Variants in CCDC150 observed in about 807,000 individuals in gnomAD.
CCDC150 encodes the protein coiled-coil domain-containing protein 150.
Under a neutral mutation model 156.5 loss-of-function variants are expected in CCDC150, and 151 were observed. The observed-to-expected ratio is 0.97, with a 90% CI of 0.85 to 1.10. CCDC150 has a LOEUF of 1.10. Among genes scored for constraint, CCDC150 ranks in the 50% least tolerant of loss-of-function variants. The pLI is 0.00. For missense variants in CCDC150, 1,312 were observed against 1,268.1 expected, an observed-to-expected ratio of 1.03 and a Z score of -0.53; for synonymous variants, 452 against 429.4, an observed-to-expected ratio of 1.05 and a Z score of -0.65.
chr2:196,675,390 T>C (rs1292127691), intron 10 of CCDC150, among the ~76,000 whole-genome samples: 1 of 152,146 alleles, frequency 6.6e-6, no homozygotes, highest in Non-Finnish European at 1.5e-5. Flanking sequence ...TTTCAAAATT[T>C]TGGAATATAA....
intron 1 of CCDC150, among the ~76,000 whole-genome samples, chr2:196,642,747 A>AT (rs1375354416): frequency 4.6e-4 from 69 of 150,410 alleles, no homozygotes; most frequent in African/African-American, 1.5e-3. Context: ...TTCATTTTTT[A>AT]TTTTTTTTTA....
At chr2:196,689,423 A>G (rs1299290368) in intron 13 of CCDC150, among the ~76,000 whole-genome samples, 5 of 150,294 alleles carry the variant, frequency 3.3e-5, no homozygotes, top group African/African-American at 1.2e-4. Flanking sequence ...TATTTCATTG[A>G]GCAGTGGTTT....
chr2:196,695,193 A>G, intron 14 of CCDC150, 34 bp downstream of exon 14: 3 of 1,112,146 alleles, frequency 2.7e-6, no homozygotes, highest in Non-Finnish European at 4.1e-6. Context: ...AATAGCAATT[A>G]ATGACTAATG....
At chr2:196,648,041 G>A (rs1692646258) in intron 2 of CCDC150, among the ~76,000 whole-genome samples, 2 of 152,102 alleles carry the variant, frequency 1.3e-5, no homozygotes, top group African/African-American at 4.8e-5. Flanking sequence ...TTTCCCTATT[G>A]ATGGGCATTT....
intron 15 of CCDC150, among the ~76,000 whole-genome samples, chr2:196,708,139 C>T (rs1443498116): frequency 6.6e-6 from 1 of 152,112 alleles, no homozygotes; most frequent in East Asian, 1.9e-4. Context: ...GTGTGGGAGT[C>T]TAAGTCTCTT....
In CCDC150 at chr2:196,674,259, A is replaced by G; in HGVS notation, c.1048A>G (p.Thr350Ala). 1 of 1,598,494 alleles carries G rather than the reference A, an allele frequency of 6.3e-7. No homozygotes were observed. Among genetic ancestry groups the G allele is most frequent in the African/African-American group, 1.3e-5 (1 of 74,744 alleles). The change falls in exon 10 of 28, where the codon ACT (threonine) becomes GCT (alanine). Residue 350 changes from threonine to alanine, a missense_variant. By Grantham distance (58) the Thr-to-Ala change is moderately conservative. Transcript: ENST00000389175. ...TTCTTAGGTTTTGAATGACCAATTG[A>G]CTAAAAAGTGTTCAGAGTTGAGCTG... ...EKAQVLNDQL[T>A]KKCSELSCML...
intron 13 of CCDC150, among the ~76,000 whole-genome samples, chr2:196,683,579 T>C (rs1441277989): frequency 6.6e-6 from 1 of 152,074 alleles, no homozygotes; most frequent in African/African-American, 2.4e-5. Flanking sequence ...TTGTGAGGGA[T>C]TGGGGTTAAT....
rs377338378 is a variant in CCDC150 at position 196,721,661 on chromosome 2, A to G, written c.2399A>G (p.Glu800Gly). Residue 800 changes from glutamate to glycine, a missense_variant, in exon 21 of 28, where the codon GAA becomes GGA. By Grantham distance (98) the Glu-to-Gly change is moderately conservative. Transcript: ENST00000389175. ...DHIQEQLESK[E>G]LERQNLETFK... The stretch of plus-strand genomic sequence containing the variant: ...ATTCAAGAGCAATTGGAAAGCAAAG[A>G]ACTTGAGCGACAGAATTTGGAAACC... The G allele has an allele frequency of 2.5e-6, 4 of 1,600,996 alleles. No homozygotes were observed. Among genetic ancestry groups the G allele is most frequent in the Non-Finnish European group, 3.4e-6 (4 of 1,174,550 alleles).
At chr2:196,641,395 C>A (rs1215979390) in intron 1 of CCDC150, among the ~76,000 whole-genome samples, 3 of 152,156 alleles carry the variant, frequency 2.0e-5, no homozygotes, top group Non-Finnish European at 4.4e-5. Context: ...CTTCTAACTT[C>A]AGGCCTTTGC....
intron 14 of CCDC150, among the ~76,000 whole-genome samples, chr2:196,697,134 C>T (rs1484524487): frequency 2.0e-5 from 3 of 152,146 alleles, no homozygotes; most frequent in African/African-American, 7.2e-5. Context: ...CTTTATATTC[C>T]CTTGCCTAGC....
intron 14 of CCDC150, among the ~76,000 whole-genome samples, chr2:196,700,118 G>T (rs1421254084): frequency 6.6e-6 from 1 of 152,160 alleles, no homozygotes; most frequent in Non-Finnish European, 1.5e-5. Flanking sequence ...AAGGCACTCT[G>T]TTCTGTTATT....
chr2:196,652,618 GC>G (rs1692954273), intron 2 of CCDC150, among the ~76,000 whole-genome samples: 1 of 152,232 alleles, frequency 6.6e-6, no homozygotes, highest in African/African-American at 2.4e-5. Context: ...GGTGAAAGCT[GC>G]CAGTGGCTGT....
intron 14 of CCDC150, among the ~76,000 whole-genome samples, chr2:196,698,310 T>G (rs938758260): frequency 2.6e-5 from 4 of 152,218 alleles, no homozygotes; most frequent in Admixed American, 2.6e-4. Flanking sequence ...ACATTTTGAT[T>G]TTGCTCAATT....
At chr2:196,713,579 A>G (rs963314952) in intron 17 of CCDC150, 2 of 1,547,764 alleles carry the variant, frequency 1.3e-6, no homozygotes, top group African/African-American at 2.7e-5. Context: ...GACTCTTTTG[A>G]ATGCTATTAA....
At chr2:196,713,879 C>T (rs1201448368) in intron 17 of CCDC150, among the ~76,000 whole-genome samples, 2 of 152,022 alleles carry the variant, frequency 1.3e-5, no homozygotes, top group Middle Eastern at 3.2e-3. Flanking sequence ...GAACATTTGG[C>T]GTAACAGTAA....
At position 196,656,705 on chromosome 2, in the gene CCDC150, A is replaced by G. The variant is rs757096178; in HGVS notation, c.249A>G (p.Glu83=). ...SQKVISPIQN[E]AICAGKTDIL... is the part of the protein sequence containing the mutation. ...AAGTCATTAGTCCTATCCAAAATGAAGCAATTTGTGCAGGAAAAACAGATA... is the reference window on the plus strand; with the variant it reads ...AAGTCATTAGTCCTATCCAAAATGAGGCAATTTGTGCAGGAAAAACAGATA... The change falls in exon 3 of 28, where the codon GAA becomes GAG. Residue 83 remains glutamate (E), a synonymous_variant. Transcript: ENST00000389175. The G allele has an allele frequency of 1.9e-6, 3 of 1,613,794 alleles. No homozygotes were observed. Among genetic ancestry groups the G allele is most frequent in the Non-Finnish European group, 2.5e-6 (3 of 1,179,778 alleles).
Position 196,672,357 on chromosome 2 carries a change from T to C in CCDC150, c.949T>C (p.Ser317Pro), listed in dbSNP as rs1694255291. The change falls in exon 9 of 28, where the codon TCT (serine) becomes CCT (proline). Residue 317 changes from serine (S) to proline (P), a missense_variant. Ser to Pro is a moderately conservative substitution (Grantham distance 74). Transcript: ENST00000389175. The part of the protein sequence containing the change: ...LVEENKNLQI[S>P]FNKEHEENAY... ...TTTTTTCTTATAGAACCTGCAGATA[T>C]CTTTCAACAAGGAACATGAAGAAAA... 1 of 1,527,950 alleles carries C rather than the reference T, an allele frequency of 6.5e-7. No individual in the cohort carries two copies. Among genetic ancestry groups the C allele is most frequent in the African/African-American group, 1.4e-5 (1 of 71,574 alleles). 94.6% of individuals were successfully genotyped at this position (1,527,950 alleles called of 1,614,324 possible). A position where few individuals can be genotyped will look rare whatever the true frequency, so the allele number is the denominator to read the frequency against.
At chr2:196,645,346 C>T (rs990682250) in intron 1 of CCDC150, among the ~76,000 whole-genome samples, 1 of 152,146 alleles carries the variant, frequency 6.6e-6, no homozygotes, top group Non-Finnish European at 1.5e-5. Flanking sequence ...GGTGGACCCC[C>T]CTTTCACTTC....
intron 11 of CCDC150, 90 bp from the exon 12 acceptor site, chr2:196,676,464 G>A (rs1010410317): frequency 8.3e-6 from 11 of 1,322,368 alleles, no homozygotes; most frequent in South Asian, 4.3e-5. Context: ...TCTCAGTCAG[G>A]AAATATGTTC....
Sources: allele counts gnomAD v4.1 joint callset (sites outside exome capture counted in the v4.1 genomes callset), GRCh38; gene constraint gnomAD v4.1.1; transcripts MANE v1.5; gene names NCBI Gene and HGNC (gene_info 2026-07-23, HGNC 2026-07-21).